The following INPP4B variants were observed in gnomAD, a reference collection of about 807,000 sequenced individuals.
INPP4B encodes the protein inositol polyphosphate-4-phosphatase type II B.
Under a neutral mutation model 122.5 loss-of-function variants are expected in INPP4B, and 55 were observed. The observed-to-expected ratio is 0.45, with a 90% CI of 0.36 to 0.56. INPP4B has a LOEUF of 0.56. Among genes scored for constraint, INPP4B ranks in the 20% least tolerant of loss-of-function variants. INPP4B has a pLI of 0.00. For synonymous variants in INPP4B, 403 were observed against 388.7 expected, an observed-to-expected ratio of 1.04 and a Z score of -0.43; for missense variants, 1,000 against 1,097.7, an observed-to-expected ratio of 0.91 and a Z score of 1.26.
rs752528048 is a variant in INPP4B at position 142,238,015 on chromosome 4, G to GA, written c.689-5dup. 1,776 of 1,326,380 alleles carry GA rather than the reference G, an allele frequency of 1.3e-3. No homozygotes were observed. Among genetic ancestry groups the GA allele is most frequent in the South Asian group, 1.7e-3 (115 of 67,502 alleles). The allele number at this position is 1,326,380 out of a possible 1,614,324, so 82.2% of individuals were successfully genotyped here. A position where few individuals can be genotyped will look rare whatever the true frequency, so the allele number is the denominator to read the frequency against. On this transcript the variant is annotated splice_region_variant and splice_polypyrimidine_tract_variant and intron_variant, in intron 11 of 25. Transcript: ENST00000262992. ...TTACATACTGGGTTCTTTAACACTGGAAAAAAAAAGAAAAAATAATAGTTA... is the reference window on the plus strand; with the variant it reads ...TTACATACTGGGTTCTTTAACACTGGAAAAAAAAAAGAAAAAATAATAGTTA...
chr4:142,542,693 GT>G (rs1013873908), intron 2 of INPP4B, among the ~76,000 whole-genome samples: 1 of 151,922 alleles, frequency 6.6e-6, no homozygotes, highest in African/African-American at 2.4e-5. Context: ...TTTGACACTT[GT>G]TTTTTTCAAT....
intron 2 of INPP4B, among the ~76,000 whole-genome samples, chr4:142,680,139 A>C (rs1235760541): frequency 6.6e-6 from 1 of 151,850 alleles, no homozygotes; most frequent in Non-Finnish European, 1.5e-5. Flanking sequence ...TAGCCAGTGA[A>C]TTCAAACTAG....
At position 142,026,820 on chromosome 4, in the gene INPP4B, A is replaced by G. The variant is rs952205270; in HGVS notation, c.*1962T>C. ...AGTTAATATTTTTCCATATTTAAGT[A>G]GTTTGTTTTCAAAAATACAAATAAA... On this transcript the variant is annotated 3_prime_UTR_variant, in exon 26 of 26. Transcript: ENST00000262992. The G allele has an allele frequency of 6.6e-6, 1 of 152,208 alleles. No homozygotes were observed. Among genetic ancestry groups the G allele is most frequent in the African/African-American group, 2.4e-5 (1 of 41,458 alleles). The allele number at this position is 152,208 out of a possible 1,614,324, so 9.4% of individuals were successfully genotyped here. A position where few individuals can be genotyped will look rare whatever the true frequency, so the allele number is the denominator to read the frequency against.
At chr4:142,673,538 C>T (rs192340719) in intron 2 of INPP4B, among the ~76,000 whole-genome samples, 2 of 152,182 alleles carry the variant, frequency 1.3e-5, no homozygotes, top group Admixed American at 6.5e-5. Context: ...TGTACTCTCC[C>T]ACCCAATGTT....
intron 2 of INPP4B, among the ~76,000 whole-genome samples, chr4:142,632,865 A>G (rs1748274078): frequency 6.6e-6 from 1 of 151,746 alleles, no homozygotes; most frequent in Non-Finnish European, 1.5e-5. Context: ...ATAATACTTC[A>G]CTATAAGACA....
At chr4:142,207,027 C>T (rs565729584) in intron 14 of INPP4B, among the ~76,000 whole-genome samples, 1 of 152,168 alleles carries the variant, frequency 6.6e-6, no homozygotes, top group East Asian at 1.9e-4. Flanking sequence ...TTTTAGATTC[C>T]TCATATAAGT....
intron 7 of INPP4B, among the ~76,000 whole-genome samples, chr4:142,356,894 A>C (rs1394382100): frequency 6.6e-6 from 1 of 151,836 alleles, no homozygotes; most frequent in East Asian, 2.0e-4. Flanking sequence ...TTACACATTG[A>C]GTTAAAAATT....
intron 2 of INPP4B, among the ~76,000 whole-genome samples, chr4:142,545,154 A>G (rs1437968974): frequency 1.3e-5 from 2 of 152,310 alleles, no homozygotes; most frequent in East Asian, 3.9e-4. Context: ...CAGTATTATA[A>G]TAAAATATAT....
At chr4:142,267,723 T>C (rs1297330132) in intron 10 of INPP4B, among the ~76,000 whole-genome samples, 1 of 152,136 alleles carries the variant, frequency 6.6e-6, no homozygotes, top group Non-Finnish European at 1.5e-5. Context: ...CAAATGGCAT[T>C]GTATCAAACT....
At chr4:142,434,669 G>A (rs1329656861) in intron 3 of INPP4B, among the ~76,000 whole-genome samples, 1 of 152,174 alleles carries the variant, frequency 6.6e-6, no homozygotes, top group Non-Finnish European at 1.5e-5. Flanking sequence ...AGGTTATAGT[G>A]TTGGCTTTCT....
chr4:142,078,977 C>T (rs1772338398), intron 25 of INPP4B, among the ~76,000 whole-genome samples: 1 of 151,900 alleles, frequency 6.6e-6, no homozygotes. Context: ...AGAGTTGTTC[C>T]CCAGAATGTC....
chr4:142,549,960 G>T (rs1294166389), intron 2 of INPP4B, among the ~76,000 whole-genome samples: 2 of 152,174 alleles, frequency 1.3e-5, no homozygotes, highest in African/African-American at 4.8e-5. Flanking sequence ...CGTGTATTAG[G>T]AGGAGGGGGA....
intron 3 of INPP4B, among the ~76,000 whole-genome samples, chr4:142,437,323 A>G (rs1339887266): frequency 6.6e-6 from 1 of 152,120 alleles, no homozygotes; most frequent in East Asian, 1.9e-4. Context: ...GAGTACTTGA[A>G]AGAGACAAGG....
intron 10 of INPP4B, among the ~76,000 whole-genome samples, chr4:142,262,351 C>T (rs980834929): frequency 6.6e-6 from 1 of 152,160 alleles, no homozygotes; most frequent in African/African-American, 2.4e-5. Flanking sequence ...GCTCTTTCAA[C>T]ACAAAAAGCA....
chr4:142,205,693 C>A (rs555918569), intron 14 of INPP4B, among the ~76,000 whole-genome samples: 2 of 152,092 alleles, frequency 1.3e-5, no homozygotes, highest in Admixed American at 1.3e-4. Flanking sequence ...ATGTAAAAAG[C>A]GGTAGTGCTA....
At chr4:142,667,876 A>G (rs1756392009) in intron 2 of INPP4B, among the ~76,000 whole-genome samples, 1 of 152,218 alleles carries the variant, frequency 6.6e-6, no homozygotes, top group Admixed American at 6.5e-5. Context: ...AAAAAGCTAT[A>G]AGCCAAGTAA....
intron 15 of INPP4B, among the ~76,000 whole-genome samples, chr4:142,189,391 C>T (rs1834722974): frequency 6.6e-6 from 1 of 152,128 alleles, no homozygotes; most frequent in Non-Finnish European, 1.5e-5. Flanking sequence ...TGATCTATAG[C>T]ATACTTATAT....
Position 142,023,619 on chromosome 4 carries a change from T to C in INPP4B, c.*5163A>G, listed in dbSNP as rs900230158. On this transcript the variant is annotated 3_prime_UTR_variant, in exon 26 of 26. Coordinates refer to ENST00000262992, the MANE Select transcript of INPP4B (RefSeq NM_001101669.3). ...ATATTGCCAAAATTTGAGTCAATGTTACCTGTGAGTGCAATAGGTCATCAT... is the reference window on the plus strand; with the variant it reads ...ATATTGCCAAAATTTGAGTCAATGTCACCTGTGAGTGCAATAGGTCATCAT... The C allele has an allele frequency of 5.9e-5, 9 of 152,214 alleles. No homozygotes were observed. In the East Asian group the frequency reaches 1.7e-3, roughly 29 times the overall value. 9.4% of individuals were successfully genotyped at this position (152,214 alleles called of 1,614,324 possible). A position where few individuals can be genotyped will look rare whatever the true frequency, so the allele number is the denominator to read the frequency against.
At chr4:142,495,256 A>C (rs776774857) in intron 2 of INPP4B, among the ~76,000 whole-genome samples, 1 of 149,442 alleles carries the variant, frequency 6.7e-6, no homozygotes, top group East Asian at 2.1e-4. Flanking sequence ...AAATAGGACA[A>C]TATTTCTGAT....
Sources: gnomAD v4.1 joint callset for allele counts (sites outside exome capture counted in the v4.1 genomes callset) on GRCh38, gnomAD v4.1.1 for gene constraint, MANE v1.5 for transcripts, NCBI Gene and HGNC (gene_info 2026-07-23, HGNC 2026-07-21) for gene names.